The following ASTN2 variants were observed in gnomAD, a reference collection of about 807,000 sequenced individuals.
ASTN2 encodes astrotactin-2.
In ASTN2, 54 loss-of-function variants were observed where a neutral mutation model predicts 139.8. The observed-to-expected ratio is 0.39, with a 90% confidence interval of 0.31 to 0.48. The LOEUF (loss-of-function observed/expected upper bound fraction) is 0.48, where lower values mean the gene tolerates loss of function less well. Among genes scored for constraint, ASTN2 ranks in the 20% least tolerant of loss-of-function variants. The pLI, the probability that ASTN2 is intolerant of heterozygous loss-of-function variation, is 0.95. For synonymous variants in ASTN2, 756 were observed against 719.5 expected (o/e 1.05, Z -0.81); for missense variants, 1,565 against 1,725.1 (o/e 0.91, Z 1.64).
At chr9:117,027,235 T>C (rs866375397) in intron 6 of ASTN2, among the ~76,000 whole-genome samples, 12 of 152,156 alleles carry the variant, frequency 7.9e-5, no homozygotes, top group Admixed American at 4.6e-4. Context: ...GTAGCATCTA[T>C]TATCTATTAT....
intron 2 of ASTN2, among the ~76,000 whole-genome samples, chr9:117,252,596 G>A (rs188740847): frequency 1.3e-5 from 2 of 152,170 alleles, no homozygotes; most frequent in East Asian, 3.9e-4. Context: ...AAAACAAATC[G>A]TTATGTTGTT....
chr9:116,606,682 CTTTAA>C (rs1855223917), intron 19 of ASTN2, among the ~76,000 whole-genome samples: 1 of 151,582 alleles, frequency 6.6e-6, no homozygotes, highest in African/African-American at 2.4e-5. Flanking sequence ...TTATTCCTCC[CTTTAA>C]TTTTTTTTTT....
At chr9:116,717,503 T>C (rs1038877835) in intron 16 of ASTN2, among the ~76,000 whole-genome samples, 3 of 152,094 alleles carry the variant, frequency 2.0e-5, no homozygotes, top group African/African-American at 7.2e-5. Flanking sequence ...AACGCTTCCC[T>C]AGAGCTAGAT....
chr9:116,488,990 C>A (rs1849425107), intron 19 of ASTN2, among the ~76,000 whole-genome samples: 1 of 152,136 alleles, frequency 6.6e-6, no homozygotes, highest in African/African-American at 2.4e-5. Context: ...TATTTTTATA[C>A]CGCACAGTAT....
intron 20 of ASTN2, among the ~76,000 whole-genome samples, chr9:116,485,054 A>G (rs56329744): frequency 0.16 from 23,894 of 152,150 alleles, 2,298 homozygotes; most frequent in Middle Eastern, 0.24. Flanking sequence ...TCCCTGTTAG[A>G]TGCTGTATCT....
intron 1 of ASTN2, among the ~76,000 whole-genome samples, chr9:117,341,293 G>A (rs1243023966): frequency 6.6e-6 from 1 of 151,964 alleles, no homozygotes; most frequent in Admixed American, 6.6e-5. Flanking sequence ...TCTCTGTCAT[G>A]GGTACTTTAT....
chr9:116,442,323 C>T, intron 21 of ASTN2, 130 bp downstream of exon 21: 1 of 750,266 alleles, frequency 1.3e-6, no homozygotes, highest in Non-Finnish European at 2.4e-6. Flanking sequence ...CCCTTAGTGC[C>T]TTCAATTTCT....
chr9:117,388,753 G>T (rs1242158449), intron 1 of ASTN2, among the ~76,000 whole-genome samples: 3 of 152,066 alleles, frequency 2.0e-5, no homozygotes, highest in Non-Finnish European at 4.4e-5. Flanking sequence ...TGTTAGCTGG[G>T]TCCTTAATCC....
intron 10 of ASTN2, among the ~76,000 whole-genome samples, chr9:116,952,930 G>T (rs868045836): frequency 6.6e-6 from 1 of 152,150 alleles, no homozygotes; most frequent in African/African-American, 2.4e-5. Context: ...AAATGTGAAA[G>T]ACCCTCTGAC....
chr9:116,631,863 C>G (rs112403975), intron 17 of ASTN2, among the ~76,000 whole-genome samples: 4,450 of 152,102 alleles, frequency 0.029, 200 homozygotes, highest in African/African-American at 0.1. Flanking sequence ...CGCTTGTAAT[C>G]CCAACACTTT....
chr9:117,209,679 T>A (rs1200183164), intron 3 of ASTN2, among the ~76,000 whole-genome samples: 1 of 152,108 alleles, frequency 6.6e-6, no homozygotes, highest in Non-Finnish European at 1.5e-5. Context: ...AAGATCATAT[T>A]TAAACTTCAC....
At chr9:116,779,395 C>T (rs984906314) in intron 13 of ASTN2, among the ~76,000 whole-genome samples, 2 of 152,104 alleles carry the variant, frequency 1.3e-5, no homozygotes, top group Non-Finnish European at 2.9e-5. Flanking sequence ...GAGACCAAGC[C>T]CCTCACCAGA....
At chr9:117,014,417 C>T (rs548220164) in intron 6 of ASTN2, among the ~76,000 whole-genome samples, 1 of 152,192 alleles carries the variant, frequency 6.6e-6, no homozygotes, top group South Asian at 2.1e-4. Context: ...CTGAGAGCAA[C>T]CACTCTGGAG....
intron 3 of ASTN2, among the ~76,000 whole-genome samples, chr9:117,172,054 A>G (rs950489115): frequency 1.3e-5 from 2 of 152,306 alleles, no homozygotes; most frequent in East Asian, 3.9e-4. Flanking sequence ...TCGCATATCT[A>G]TGAAGCACAG....
chr9:117,156,238 A>G (rs138725672), intron 3 of ASTN2, among the ~76,000 whole-genome samples: 1 of 152,050 alleles, frequency 6.6e-6, no homozygotes, highest in South Asian at 2.1e-4. Flanking sequence ...GAGTGCTTAC[A>G]CTGGGCCAGA....
intron 4 of ASTN2, among the ~76,000 whole-genome samples, chr9:117,099,929 G>T (rs1828934172): frequency 6.6e-6 from 1 of 152,196 alleles, no homozygotes; most frequent in Non-Finnish European, 1.5e-5. Context: ...TTGAAATTTG[G>T]TCTGTCTACC....
chr9:117,054,836 T>C (rs1385950873), intron 5 of ASTN2, among the ~76,000 whole-genome samples: 1 of 152,206 alleles, frequency 6.6e-6, no homozygotes, highest in Non-Finnish European at 1.5e-5. Context: ...ATCAGTTTCA[T>C]GGAACACAAT....
intron 4 of ASTN2, among the ~76,000 whole-genome samples, chr9:117,127,976 G>A (rs960936880): frequency 6.6e-6 from 1 of 151,956 alleles, no homozygotes; most frequent in Non-Finnish European, 1.5e-5. Flanking sequence ...CACCGCTCCC[G>A]GCCGGGTTTT....
intron 11 of ASTN2, among the ~76,000 whole-genome samples, chr9:116,822,876 C>T (rs1394839962): frequency 6.6e-6 from 1 of 152,176 alleles, no homozygotes; most frequent in African/African-American, 2.4e-5. Context: ...CTCTTGAGGA[C>T]ACCCTCCTGG....
Sources: gnomAD v4.1 joint callset for allele counts (sites outside exome capture counted in the v4.1 genomes callset) on GRCh38, gnomAD v4.1.1 for gene constraint, MANE v1.5 for transcripts, NCBI Gene and HGNC (gene_info 2026-07-23, HGNC 2026-07-21) for gene names.